The following CMIP variants were observed in gnomAD, a reference collection of about 807,000 sequenced individuals.
CMIP encodes the protein c-Maf inducing protein.
In CMIP, 13 loss-of-function variants were observed where a neutral mutation model predicts 97.3. The ratio of observed to expected loss-of-function variants is 0.13; its 90% CI spans 0.09 to 0.21. The LOEUF is 0.21. Among genes scored for constraint, CMIP ranks in the 10% least tolerant of loss-of-function variants. The pLI is 1.00. For missense variants in CMIP, 847 were observed against 1,024.9 expected (o/e 0.83, Z 2.37); for synonymous variants, 538 against 436.3 (o/e 1.23, Z -2.91).
At chr16:81,622,465 G>T (rs569753173) in intron 3 of CMIP, among the ~76,000 whole-genome samples, 1 of 152,148 alleles carries the variant, frequency 6.6e-6, no homozygotes, top group African/African-American at 2.4e-5. Context: ...GACCGTCTGG[G>T]GGTCAGATGC....
At chr16:81,695,856 A>T (rs2151087278) in intron 13 of CMIP, 1 of 153,344 alleles carries the variant, frequency 6.5e-6, no homozygotes, top group Non-Finnish European at 1.5e-5. Flanking sequence ...GGGGACAAAG[A>T]CTCAGGGAAG....
chr16:81,495,307 G>A, intron 1 of CMIP: 1 of 1,442,510 alleles, frequency 6.9e-7, no homozygotes, highest in Admixed American at 2.7e-5. Flanking sequence ...CGGGGCCCTG[G>A]GCAGGCTGGT....
chr16:81,709,549 G>T (rs1181109769), intron 20 of CMIP, among the ~76,000 whole-genome samples, 197 bp from the exon 21 acceptor site: 1 of 152,166 alleles, frequency 6.6e-6, no homozygotes, highest in African/African-American at 2.4e-5. Context: ...TGGTTTCTCC[G>T]GGGCCAGGGC....
intron 1 of CMIP, among the ~76,000 whole-genome samples, chr16:81,548,993 T>C (rs2090603086): frequency 6.6e-6 from 1 of 152,204 alleles, no homozygotes; most frequent in Non-Finnish European, 1.5e-5. Flanking sequence ...AGCTGGACCA[T>C]TGGTGCTGAG....
At chr16:81,684,764 G>A (rs1308392973) in intron 10 of CMIP, among the ~76,000 whole-genome samples, 1 of 152,250 alleles carries the variant, frequency 6.6e-6, no homozygotes, top group Admixed American at 6.5e-5. Flanking sequence ...GGATGCATCA[G>A]GCACCTGCCT....
intron 1 of CMIP, among the ~76,000 whole-genome samples, chr16:81,468,033 T>C (rs1392607576): frequency 6.6e-6 from 1 of 151,750 alleles, no homozygotes; most frequent in Non-Finnish European, 1.5e-5. Context: ...ATCACAGGAG[T>C]GCACCACCAT....
Position 81,614,444 on chromosome 16 carries a change from G to C in CMIP, c.427-6432G>C, listed in dbSNP as rs140745127. Among the ~76,000 whole-genome samples the C allele has an allele frequency of 1.4e-4, 21 of 152,336 alleles. No individual in the cohort carries two copies. Among genetic ancestry groups the C allele is most frequent in the Non-Finnish European group, 2.5e-4 (17 of 68,034 alleles). ...TGACATCAGCTCGTTGCATTGGCCT[G>C]TGTGCTTGCCAGGAGCCCGGAGGGA... On this transcript the variant is annotated intron_variant, in intron 2 of 20. Transcript: ENST00000537098. The surrounding 1 kb of genome is among the most constrained non-coding windows in gnomAD (Gnocchi z 5.3).
intron 2 of CMIP, among the ~76,000 whole-genome samples, chr16:81,613,086 C>T (rs991093886): frequency 1.3e-5 from 2 of 152,210 alleles, no homozygotes; most frequent in African/African-American, 4.8e-5. Flanking sequence ...CGTATGTCCT[C>T]CTTCAAAAGT....
At chr16:81,573,155 C>A (rs117237432) in intron 1 of CMIP, among the ~76,000 whole-genome samples, 334 of 152,244 alleles carry the variant, frequency 2.2e-3, no homozygotes, top group Non-Finnish European at 4.2e-3. Context: ...ACCAGGCTGG[C>A]CAACACGGTG....
chr16:81,534,725 T>C (rs1384037332), intron 1 of CMIP, among the ~76,000 whole-genome samples: 1 of 152,172 alleles, frequency 6.6e-6, no homozygotes, highest in Non-Finnish European at 1.5e-5. Flanking sequence ...TGGTATAAGG[T>C]GTGAGGCAGG....
intron 1 of CMIP, among the ~76,000 whole-genome samples, chr16:81,583,281 C>G (rs1441920979): frequency 6.6e-6 from 1 of 152,266 alleles, no homozygotes; most frequent in African/African-American, 2.4e-5. Context: ...AATGTCCCCA[C>G]CCTGTCACCG....
At chr16:81,690,024 T>C (rs1345704704) in intron 10 of CMIP, among the ~76,000 whole-genome samples, 2 of 152,246 alleles carry the variant, frequency 1.3e-5, no homozygotes, top group African/African-American at 2.4e-5. Flanking sequence ...ATCTCTGTTT[T>C]GGTACCAGTA....
chr16:81,681,206 A>G (rs1168402225), intron 10 of CMIP, among the ~76,000 whole-genome samples: 1 of 152,216 alleles, frequency 6.6e-6, no homozygotes, highest in Admixed American at 6.5e-5. Context: ...CGGGGAGCTC[A>G]ACACAATTTG....
At chr16:81,643,508 G>A (rs1349097605) in intron 3 of CMIP, among the ~76,000 whole-genome samples, 1 of 152,178 alleles carries the variant, frequency 6.6e-6, no homozygotes, top group Admixed American at 6.5e-5. Flanking sequence ...GGTACATGGT[G>A]GCCGGGCGCA....
Position 81,652,449 on chromosome 16 carries a change from C to G in CMIP, c.639+85C>G, listed in dbSNP as rs762042041. 1 of 1,231,650 alleles carries G rather than the reference C, an allele frequency of 8.1e-7. No homozygotes were observed. The highest frequency in any genetic ancestry group is 1.5e-5 in the African/African-American group (1 of 66,474). The allele number at this position is 1,231,650 out of a possible 1,614,324, so 76.3% of individuals were successfully genotyped here. On this transcript the variant is annotated intron_variant, in intron 4 of 20. Transcript: ENST00000537098. The surrounding 1 kb of genome is among the most constrained non-coding windows in gnomAD (Gnocchi z 5.2). ...CTCCATGCCAAGCAGCAGGCGCAGG[C>G]AGAGCTCCGTGTGGGCTGTGTTGTT...
chr16:81,483,441 T>G (rs1355087926), intron 1 of CMIP, among the ~76,000 whole-genome samples: 2 of 152,140 alleles, frequency 1.3e-5, no homozygotes, highest in Non-Finnish European at 2.9e-5. Context: ...TGTAGGGCCT[T>G]GTAAGAACTT....
chr16:81,568,039 GTTTTTTTTTT>G (rs1555531346), intron 1 of CMIP, among the ~76,000 whole-genome samples: 4 of 82,546 alleles, frequency 4.8e-5, no homozygotes, highest in Non-Finnish European at 9.2e-5. Context: ...GTGTGTGTGT[GTTTTTTTTTT>G]TTTTTTTTTT....
At chr16:81,670,973 C>G (rs1216382995) in intron 8 of CMIP, among the ~76,000 whole-genome samples, 1 of 152,122 alleles carries the variant, frequency 6.6e-6, no homozygotes, top group Non-Finnish European at 1.5e-5. Flanking sequence ...GGATTACAGG[C>G]ACACGTTACG....
At chr16:81,451,107 G>T (rs1906181466) in intron 1 of CMIP, among the ~76,000 whole-genome samples, 1 of 152,186 alleles carries the variant, frequency 6.6e-6, no homozygotes, top group Non-Finnish European at 1.5e-5. Flanking sequence ...CAGCCTCTTT[G>T]ATATGGTTTG....
Sources: gnomAD v4.1 joint callset for allele counts (sites outside exome capture counted in the v4.1 genomes callset) on GRCh38, gnomAD v4.1.1 for gene constraint, Gnocchi (gnomAD v3.1) non-coding constraint, MANE v1.5 for transcripts, NCBI Gene and HGNC (gene_info 2026-07-23, HGNC 2026-07-21) for gene names.